Variants in PRMT8 observed in about 807,000 individuals in gnomAD.
The protein encoded by PRMT8 is protein arginine methyltransferase 8, also known as protein arginine N-methyltransferase 8.
PRMT8 carries 7 observed loss-of-function variants against 47.1 expected under a neutral mutation model. That is an observed-to-expected ratio of 0.15 (90% CI 0.08 to 0.28). The LOEUF (loss-of-function observed/expected upper bound fraction) is 0.28, where lower values mean the gene tolerates loss of function less well. Among genes scored for constraint, PRMT8 ranks in the 10% least tolerant of loss-of-function variants. The pLI is 1.00. For missense variants in PRMT8, 237 were observed against 505.4 expected (o/e 0.47, Z 5.09); for synonymous variants, 188 against 186.5 (o/e 1.01, Z -0.07).
intron 1 of PRMT8, 23 bp from the exon 2 acceptor site, chr12:3,540,583 C>A (rs748192104): frequency 6.6e-7 from 1 of 1,505,390 alleles, no homozygotes. Context: ...TCCTAACACC[C>A]GACCCCCTTC....
rs942985964 is a variant in PRMT8, at chr12:3,550,122, C to T, written c.417+31C>T. The T allele has an allele frequency of 8.7e-6, 14 of 1,609,898 alleles. No homozygotes were observed. In the Admixed American group the frequency reaches 1.8e-4, roughly 21 times the overall value. ...CACGCCGCTTCCTCCTGCATGCTGG[C>T]TTCCACAGAGCCAGCCTCTTGCCCT... On this transcript the variant is annotated intron_variant, in intron 3 of 9. Coordinates refer to ENST00000382622, the MANE Select transcript of PRMT8 (RefSeq NM_019854.5). The surrounding 1 kb of genome is among the most constrained non-coding windows in gnomAD (Gnocchi z 5.1).
At chr12:3,553,117 C>T (rs563412228) in intron 3 of PRMT8, 31 of 193,256 alleles carry the variant, frequency 1.6e-4, no homozygotes, top group African/African-American at 3.0e-4. Context: ...AAAGATGAAG[C>T]GGCGAGAGCT....
chr12:3,576,085 A>T lies in PRMT8; in HGVS notation c.713-786A>T, dbSNP rs1866937984. 6.6e-6 allele frequency among the ~76,000 whole-genome samples: 1 copy of T among 152,092 alleles called. No individual in the cohort carries two copies. Among genetic ancestry groups the T allele is most frequent in the African/African-American group, 2.4e-5 (1 of 41,396 alleles). On this transcript the variant is annotated intron_variant, in intron 6 of 9. Transcript: ENST00000382622. The surrounding 1 kb of genome is among the most constrained non-coding windows in gnomAD (Gnocchi z 4.0). ...TCAGACTTGAATTAATTTCTCACCAACCCCCTAGATCTTTCTCCCTCCCAT... is the reference window on the plus strand; with the variant it reads ...TCAGACTTGAATTAATTTCTCACCATCCCCCTAGATCTTTCTCCCTCCCAT...
At chr12:3,443,951 G>A (rs374791801) in intron 1 of PRMT8, among the ~76,000 whole-genome samples, 8 of 152,104 alleles carry the variant, frequency 5.3e-5, no homozygotes, top group East Asian at 3.8e-4. Flanking sequence ...CATTTCTTTC[G>A]TCTAAGTTCG....
Position 3,538,819 on chromosome 12 carries a change from T to C in PRMT8, c.76-1787T>C, listed in dbSNP as rs1165054451. 1 of 501,632 alleles carries C rather than the reference T, an allele frequency of 2.0e-6. No individual in the cohort carries two copies. Among genetic ancestry groups the C allele is most frequent in the African/African-American group, 1.9e-5 (1 of 51,604 alleles). 31.1% of individuals were successfully genotyped at this position (501,632 alleles called of 1,614,324 possible). The stretch of plus-strand genomic sequence containing the variant: ...AGTGGGCACACCTGCTGCATTCTAA[T>C]GAGGCAGCCCCACTCGCCTTTGCCA... On this transcript the variant is annotated intron_variant, in intron 1 of 9. Transcript: ENST00000382622. This position sits in a 1 kb window ranked among gnomAD's most constrained non-coding sequence, Gnocchi z 4.6.
At chr12:3,473,444 C>T (rs976322790) in intron 1 of PRMT8, among the ~76,000 whole-genome samples, 1 of 152,172 alleles carries the variant, frequency 6.6e-6, no homozygotes, top group Admixed American at 6.5e-5. Context: ...CAGCCTTCTT[C>T]CTGAGAGCCT....
chr12:3,550,269 C>T lies in PRMT8; in HGVS notation c.417+178C>T. On this transcript the variant is annotated intron_variant, in intron 3 of 9. Transcript: ENST00000382622. This position sits in a 1 kb window ranked among gnomAD's most constrained non-coding sequence, Gnocchi z 5.1. ...AGGAAGGGGAGCAGGCTGCCTGTCC[C>T]CTGTGCATGGCTCCTGGATCCTTAC... is the stretch of plus-strand genomic sequence containing the variant. 2 of 675,888 alleles carry T rather than the reference C, an allele frequency of 3.0e-6. No homozygotes were observed. Among genetic ancestry groups the T allele is most frequent in the Non-Finnish European group, 4.9e-6 (2 of 407,486 alleles). The allele number at this position is 675,888 out of a possible 1,614,324, so 41.9% of individuals were successfully genotyped here. A position where few individuals can be genotyped will look rare whatever the true frequency, so the allele number is the denominator to read the frequency against.
intron 1 of PRMT8, chr12:3,468,828 C>T (rs1865132223): frequency 6.5e-6 from 1 of 153,972 alleles, no homozygotes; most frequent in Non-Finnish European, 1.4e-5. Flanking sequence ...TTTACAAGAA[C>T]TGAAAGTTTT....
chr12:3,449,206 A>G (rs1325945402), intron 1 of PRMT8, among the ~76,000 whole-genome samples: 6 of 152,178 alleles, frequency 3.9e-5, no homozygotes, highest in African/African-American at 1.4e-4. Flanking sequence ...ATACGTGTGC[A>G]TGTATCTTTA....
intron 1 of PRMT8, among the ~76,000 whole-genome samples, chr12:3,470,874 G>A (rs758614): frequency 0.8 from 121,812 of 152,072 alleles, 49,155 homozygotes; most frequent in Middle Eastern, 0.87. Context: ...GCTTTGTAAA[G>A]TAAGTATTTT....
chr12:3,575,009 C>T (rs1453021641), intron 6 of PRMT8, among the ~76,000 whole-genome samples: 1 of 152,212 alleles, frequency 6.6e-6, no homozygotes. Context: ...TCTCTGAAAC[C>T]TGCCCTGTTG....
chr12:3,407,110 G>A (rs1864380068), intron 1 of PRMT8, among the ~76,000 whole-genome samples: 1 of 152,146 alleles, frequency 6.6e-6, no homozygotes, highest in South Asian at 2.1e-4. Context: ...TAATATGGTG[G>A]CAGGAAGGAG....
rs1301088121 is a variant in PRMT8, at chr12:3,569,020, C to T, written c.624+172C>T. ...TCTGTATCAGGGAACAGAATGGTTG[C>T]CCCGGGTCCAGCATGTGTAACCATC... On this transcript the variant is annotated intron_variant, in intron 5 of 9. Transcript: ENST00000382622. This position sits in a 1 kb window ranked among gnomAD's most constrained non-coding sequence, Gnocchi z 8.2. Among the ~76,000 whole-genome samples the T allele has an allele frequency of 2.0e-5, 3 of 152,226 alleles. No individual in the cohort carries two copies. The highest frequency in any genetic ancestry group is 3.4e-3 in the Middle Eastern group (1 of 294).
In PRMT8 at chr12:3,493,727, C is replaced by G. The variant is rs773832770; in HGVS notation, c.75+2027C>G. 6.6e-6 allele frequency among the ~76,000 whole-genome samples: 1 copy of G among 152,258 alleles called. No individual in the cohort carries two copies. The highest frequency in any genetic ancestry group is 2.4e-5 in the African/African-American group (1 of 41,476). On this transcript the variant is annotated intron_variant, in intron 1 of 9. Coordinates refer to ENST00000382622, the MANE Select transcript of PRMT8 (RefSeq NM_019854.5). This position sits in a 1 kb window ranked among gnomAD's most constrained non-coding sequence, Gnocchi z 8.2. ...TCCCCCTTCTCAGCAGTTGCACATG[C>G]CAGCTCTGCTGAAGGCATCAATGAA...
chr12:3,471,433 A>G (rs1433545707), intron 1 of PRMT8, among the ~76,000 whole-genome samples: 1 of 152,060 alleles, frequency 6.6e-6, no homozygotes, highest in African/African-American at 2.4e-5. Context: ...AAAGGCCACC[A>G]ATCCTCAGGT....
intron 7 of PRMT8, 131 bp downstream of exon 7, chr12:3,577,117 A>T: frequency 1.4e-6 from 1 of 725,592 alleles, no homozygotes; most frequent in Non-Finnish European, 2.4e-6. Flanking sequence ...AGAGCCTGTG[A>T]TGCTCCCTAA....
At chr12:3,530,548 C>T (rs1591587086) in intron 1 of PRMT8, among the ~76,000 whole-genome samples, 1 of 152,120 alleles carries the variant, frequency 6.6e-6, no homozygotes, top group Admixed American at 6.5e-5. Context: ...CAAGCATCAG[C>T]GGCTGGAGAA....
chr12:3,506,953 T>C (rs906821976), intron 1 of PRMT8, among the ~76,000 whole-genome samples: 2 of 152,088 alleles, frequency 1.3e-5, no homozygotes, highest in Non-Finnish European at 2.9e-5. Flanking sequence ...TTCTTGGCGC[T>C]AAATCCTGCA....
intron 1 of PRMT8, among the ~76,000 whole-genome samples, chr12:3,423,675 T>G (rs1669683947): frequency 6.6e-6 from 1 of 152,182 alleles, no homozygotes; most frequent in Non-Finnish European, 1.5e-5. Context: ...TCCAGTATAA[T>G]CCAGTGGGGG....
Sources: gnomAD v4.1 joint callset for allele counts (sites outside exome capture counted in the v4.1 genomes callset) on GRCh38, gnomAD v4.1.1 for gene constraint, Gnocchi (gnomAD v3.1) non-coding constraint, MANE v1.5 for transcripts, NCBI Gene and HGNC (gene_info 2026-07-23, HGNC 2026-07-21) for gene names.